ATP7B: variants seen among roughly 807,000 people sequenced by gnomAD.
ATP7B encodes the protein ATPase copper transporting beta.
A neutral mutation model predicts 118.9 loss-of-function variants in ATP7B; 113 were observed. The ratio of observed to expected loss-of-function variants is 0.95; its 90% CI spans 0.82 to 1.11. ATP7B has a LOEUF of 1.11. ATP7B is among the 50% of genes most tolerant of loss of function. The probability of loss-of-function intolerance (pLI) is 0.00; values close to 1 mark genes in which losing one functional copy is unlikely to be tolerated. For missense variants in ATP7B, 1,867 were observed against 1,871.4 expected, an observed-to-expected ratio of 1.00 and a Z score of 0.04; for synonymous variants, 777 against 727.4, an observed-to-expected ratio of 1.07 and a Z score of -1.10.
intron 1 of ATP7B, among the ~76,000 whole-genome samples, chr13:51,976,840 G>A (rs1237891423): frequency 6.6e-6 from 1 of 152,120 alleles, no homozygotes; most frequent in African/African-American, 2.4e-5. Context: ...ACCTGTATGG[G>A]GCACTTATCA....
At chr13:51,969,049 TG>T (rs1566574888) in intron 3 of ATP7B, among the ~76,000 whole-genome samples, 1 of 150,928 alleles carries the variant, frequency 6.6e-6, no homozygotes, top group Non-Finnish European at 1.5e-5. Context: ...TTAGTAGAGA[TG>T]GGGTTTCACC....
chr13:51,950,173 A>T lies in ATP7B; in HGVS notation c.2576-12T>A. The T allele has an allele frequency of 6.2e-7, 1 of 1,614,132 alleles. No homozygotes were observed. The highest frequency in any genetic ancestry group is 8.5e-7 in the Non-Finnish European group (1 of 1,180,026). Reference sequence around the variant, plus strand: ...TGGCATGGCTTCTCCTAGACGTAGGAAAGAGACAACTGTCACTTGCTCAGC... The same window carrying T: ...TGGCATGGCTTCTCCTAGACGTAGGTAAGAGACAACTGTCACTTGCTCAGC... On this transcript the variant is annotated splice_polypyrimidine_tract_variant and intron_variant, in intron 10 of 20. Transcript: ENST00000242839.
In ATP7B at chr13:52,011,397, C is replaced by T; in HGVS notation, c.-60G>A. The T allele has an allele frequency of 6.2e-7, 1 of 1,611,556 alleles. No homozygotes were observed. The highest frequency in any genetic ancestry group is 2.2e-5 in the East Asian group (1 of 44,850). ...GGCTCAGAGCAAAAGGTCACCTGGT[C>T]GGTGGAGGAGAGCGGGGTGTTAAAG... On this transcript the variant is annotated 5_prime_UTR_variant, in exon 1 of 21. Transcript: ENST00000242839.
chr13:51,937,326 T>C lies in ATP7B; in HGVS notation c.3971A>G (p.Asn1324Ser), dbSNP rs760285767. The change falls in exon 19 of 21, where the codon AAC (asparagine) becomes AGC (serine). Residue 1324 changes from asparagine to serine, a missense_variant. By Grantham distance (46) the Asn-to-Ser change is conservative. Coordinates refer to ENST00000242839, the MANE Select transcript of ATP7B (RefSeq NM_000053.4). ...SKRTVRRIRI[N>S]LVLALIYNLV... ...GTTATAAATCAGTGCCAGGACCAGG[T>C]TGATGCGTATCCTTCGGACAGTCCT... 1.2e-6 allele frequency: 2 copies of C among 1,614,204 alleles called. No individual in the cohort carries two copies. The highest frequency in any genetic ancestry group is 1.7e-6 in the Non-Finnish European group (2 of 1,180,042).
rs971285419 is a variant in ATP7B at position 51,944,136 on chromosome 13, G to A, written c.3216C>T (p.Gly1072=). 3 of 1,614,086 alleles carry A rather than the reference G, an allele frequency of 1.9e-6. No homozygotes were observed. Among genetic ancestry groups the A allele is most frequent in the East Asian group, 2.2e-5 (1 of 44,872 alleles). The change falls in exon 14 of 21, where the codon GGC becomes GGT. Residue 1072 remains glycine (G), a synonymous_variant. Coordinates refer to ENST00000242839, the MANE Select transcript of ATP7B (RefSeq NM_000053.4). ...CTTTACAGTATTTGGTGACTGCCAC[G>A]CCCAAGGGGTGTTCACTGCTGGCCT... The part of the protein sequence containing the change: ...TAEASSEHPL[G]VAVTKYCKEE...
chr13:51,957,704 G>T, intron 8 of ATP7B, 97 bp from the exon 9 acceptor site: 1 of 1,230,656 alleles, frequency 8.1e-7, no homozygotes, highest in Non-Finnish European at 1.2e-6. Flanking sequence ...GACAGCTGGT[G>T]CGAGAGAAAC....
intron 1 of ATP7B, among the ~76,000 whole-genome samples, chr13:51,982,682 C>A (rs796354386): frequency 6.6e-6 from 1 of 152,180 alleles, no homozygotes; most frequent in South Asian, 2.1e-4. Flanking sequence ...GCGAGATCAA[C>A]GCAGAAGGAG....
intron 13 of ATP7B, among the ~76,000 whole-genome samples, chr13:51,945,761 G>A (rs1484529397): frequency 1.3e-5 from 2 of 152,246 alleles, no homozygotes; most frequent in African/African-American, 4.8e-5. Flanking sequence ...CACACGCAGT[G>A]AGTGCCCAGC....
chr13:51,985,955 A>G (rs1008602748), intron 1 of ATP7B, among the ~76,000 whole-genome samples: 1 of 152,230 alleles, frequency 6.6e-6, no homozygotes, highest in Non-Finnish European at 1.5e-5. Flanking sequence ...CCCACAAAAG[A>G]AAGCTGGAAA....
chr13:51,996,611 A>G lies in ATP7B; in HGVS notation c.51+14676T>C, dbSNP rs867022175. The stretch of plus-strand genomic sequence containing the variant: ...CACCCAGTGAGGGCACTCAGAACAC[A>G]TGCCCAAGGTCACTGAAGGCTGCCT... On this transcript the variant is annotated intron_variant, in intron 1 of 20. Transcript: ENST00000242839. Among the ~76,000 whole-genome samples the G allele has an allele frequency of 3.9e-5, 6 of 152,340 alleles. No homozygotes were observed. In the South Asian group the frequency reaches 8.3e-4, roughly 21 times the overall value.
intron 16 of ATP7B, among the ~76,000 whole-genome samples, chr13:51,939,667 A>G (rs1431447238): frequency 6.6e-6 from 1 of 152,100 alleles, no homozygotes; most frequent in Non-Finnish European, 1.5e-5. Flanking sequence ...AATCTTAGCT[A>G]TAGAAGCAGG....
chr13:51,986,653 G>A (rs1407501262), intron 1 of ATP7B, among the ~76,000 whole-genome samples: 1 of 152,134 alleles, frequency 6.6e-6, no homozygotes, highest in Non-Finnish European at 1.5e-5. Context: ...GAACATCGAT[G>A]CAAAAATTCT....
At chr13:51,976,321 C>T (rs745803938) in intron 1 of ATP7B, among the ~76,000 whole-genome samples, 12 of 152,286 alleles carry the variant, frequency 7.9e-5, no homozygotes, top group African/African-American at 1.2e-4. Flanking sequence ...CCTTGCCAAC[C>T]GGCTTTTGAG....
At chr13:51,954,023 G>A (rs909059802) in intron 9 of ATP7B, among the ~76,000 whole-genome samples, 1 of 152,148 alleles carries the variant, frequency 6.6e-6, no homozygotes, top group Non-Finnish European at 1.5e-5. Context: ...TTACATCCCA[G>A]GGTGGCTGAG....
rs776210670 is a variant in ATP7B, at chr13:51,937,428, T to C, written c.3904-35A>G. The C allele has an allele frequency of 1.2e-5, 19 of 1,614,066 alleles. No homozygotes were observed. The Middle Eastern group carries it at 8.2e-4, about 70-fold the overall frequency. Reference sequence around the variant, plus strand: ...AGGAGCACACAGTGAGGAAGGGGTCTGCCCATTGCCCTCCCAGCACCCACA... The same window carrying C: ...AGGAGCACACAGTGAGGAAGGGGTCCGCCCATTGCCCTCCCAGCACCCACA... On this transcript the variant is annotated intron_variant, in intron 18 of 20. Transcript: ENST00000242839.
chr13:51,962,611 G>C (rs1958823126), intron 5 of ATP7B, among the ~76,000 whole-genome samples: 1 of 152,238 alleles, frequency 6.6e-6, no homozygotes, highest in South Asian at 2.1e-4. Context: ...GGGAGGAAGA[G>C]CAGCTGAGAC....
chr13:51,942,011 G>C (rs1957361180), intron 15 of ATP7B, among the ~76,000 whole-genome samples: 1 of 152,164 alleles, frequency 6.6e-6, no homozygotes, highest in Non-Finnish European at 1.5e-5. Flanking sequence ...TGCTTTCCCT[G>C]ACTTTTTCTG....
At chr13:51,950,251 A>C in intron 10 of ATP7B, 21 bp downstream of exon 10, 1 of 1,614,202 alleles carries the variant, frequency 6.2e-7, no homozygotes, top group Non-Finnish European at 8.5e-7. Flanking sequence ...TCCTGAGGGA[A>C]CATGAAACAA....
At chr13:51,935,536 C>G in intron 20 of ATP7B, 57 bp downstream of exon 20, 14 of 1,526,418 alleles carry the variant, frequency 9.2e-6, no homozygotes, top group Non-Finnish European at 1.2e-5. Context: ...GCTAAGCATG[C>G]AGAATGACAA....
Sources: allele counts gnomAD v4.1 joint callset (sites outside exome capture counted in the v4.1 genomes callset), GRCh38; gene constraint gnomAD v4.1.1; transcripts MANE v1.5; gene names NCBI Gene and HGNC (gene_info 2026-07-23, HGNC 2026-07-21).